Variants in CLVS1 observed in about 807,000 individuals in gnomAD.
CLVS1 encodes the protein clavesin-1.
CLVS1 carries 10 observed loss-of-function variants against 33.1 expected under a neutral mutation model. The ratio of observed to expected loss-of-function variants is 0.30; its 90% CI spans 0.19 to 0.51. The LOEUF is 0.51. Ranked by LOEUF, CLVS1 falls within the 20% of genes least tolerant of loss-of-function variation. The probability of loss-of-function intolerance (pLI) is 0.97; values close to 1 mark genes in which losing one functional copy is unlikely to be tolerated. For missense variants in CLVS1, 343 were observed against 433.4 expected (o/e 0.79, Z 1.85); for synonymous variants, 163 against 166.1 (o/e 0.98, Z 0.14).
At chr8:61,196,438 CTCA>C (rs1228440996) in intron 2 of CLVS1, among the ~76,000 whole-genome samples, 1 of 151,964 alleles carries the variant, frequency 6.6e-6, no homozygotes, top group Non-Finnish European at 1.5e-5. Context: ...TTAGTCAGGA[CTCA>C]TTTTGTTGCA....
chr8:61,343,223 G>GAA lies in CLVS1; in HGVS notation c.456-33382_456-33381insAA, dbSNP rs545611420. Reference sequence around the variant, plus strand: ...CCATTCTGATTTTCTGGTTATCTTTGGATTTATAGCAAAATGTTTGTTTTT... The same window carrying GAA: ...CCATTCTGATTTTCTGGTTATCTTTGAAGATTTATAGCAAAATGTTTGTTTTT... On this transcript the variant is annotated intron_variant, in intron 2 of 5. Coordinates refer to ENST00000325897, the MANE Select transcript of CLVS1 (RefSeq NM_173519.3). Among the ~76,000 whole-genome samples the GAA allele has an allele frequency of 7.3e-3, 1,104 of 152,182 alleles. 7 individuals carry two copies. Among genetic ancestry groups the GAA allele is most frequent in the Non-Finnish European group, 0.013 (873 of 68,000 alleles).
At chr8:61,347,658 AT>A (rs1812273081) in intron 2 of CLVS1, among the ~76,000 whole-genome samples, 1 of 117,136 alleles carries the variant, frequency 8.5e-6, no homozygotes, top group East Asian at 2.6e-4. Context: ...ATATATATAT[AT>A]ATATATATAT....
At chr8:61,033,023 AAG>A in the CLVS1 span, among the ~76,000 whole-genome samples, 4 of 118,972 alleles carry the variant, frequency 3.4e-5, no homozygotes, top group African/African-American at 9.9e-5. Flanking sequence ...GAAAGAAAGA[AAG>A]AAAGAAAGAA....
At position 61,353,688 on chromosome 8, in the gene CLVS1, G is replaced by A. The variant is rs1460565411; in HGVS notation, c.456-22917G>A. The stretch of plus-strand genomic sequence containing the variant: ...TGTTCTACTTCAAGAAACTAAGGAA[G>A]AATGAAACAAAATAAACCCAAAGCA... On this transcript the variant is annotated intron_variant, in intron 2 of 5. Coordinates refer to ENST00000325897, the MANE Select transcript of CLVS1 (RefSeq NM_173519.3). Among the ~76,000 whole-genome samples, 5 of 143,654 alleles carry A rather than the reference G, an allele frequency of 3.5e-5. No individual in the cohort carries two copies. In the South Asian group the frequency reaches 6.6e-4, roughly 19 times the overall value. The allele number at this position is 143,654 out of a possible 152,430, so 94.2% of individuals were successfully genotyped here.
chr8:61,471,363 G>C (rs1159484104), intron 5 of CLVS1, among the ~76,000 whole-genome samples: 1 of 152,088 alleles, frequency 6.6e-6, no homozygotes, highest in East Asian at 1.9e-4. Flanking sequence ...TTGCCATTTT[G>C]TCACGGTTTT....
At chr8:61,065,322 T>C (rs74923583) in intron 1 of CLVS1, among the ~76,000 whole-genome samples, 1,923 of 152,362 alleles carry the variant, frequency 0.013, 40 homozygotes, top group African/African-American at 0.044. Context: ...GTATGTTCAG[T>C]ACAGATACAA....
the CLVS1 span, among the ~76,000 whole-genome samples, chr8:61,014,244 G>C: frequency 2.0e-5 from 3 of 152,128 alleles, no homozygotes; most frequent in Non-Finnish European, 4.4e-5. Flanking sequence ...CCCTTGTGGA[G>C]CTGGTGTGCC....
chr8:61,156,557 C>G (rs772073115), intron 2 of CLVS1, among the ~76,000 whole-genome samples: 2 of 152,114 alleles, frequency 1.3e-5, no homozygotes, highest in Non-Finnish European at 2.9e-5. Context: ...GGATGTGTAT[C>G]TGTGTGTTTT....
At chr8:61,445,375 G>C (rs906275496) in intron 3 of CLVS1, among the ~76,000 whole-genome samples, 1 of 152,146 alleles carries the variant, frequency 6.6e-6, no homozygotes, top group Non-Finnish European at 1.5e-5. Context: ...TTCATGAACT[G>C]CTTGGTCCTC....
the CLVS1 span, among the ~76,000 whole-genome samples, chr8:61,025,706 C>G: frequency 6.6e-6 from 1 of 152,166 alleles, no homozygotes; most frequent in Non-Finnish European, 1.5e-5. Context: ...TAGTGTGGAT[C>G]AACCTGCATT....
In CLVS1 at chr8:61,062,899, T is replaced by C. The variant is rs1804605817; in HGVS notation, c.-243+5669T>C. 2.0e-5 allele frequency among the ~76,000 whole-genome samples: 3 copies of C among 152,392 alleles called. No homozygotes were observed. The South Asian group carries it at 6.2e-4, about 32-fold the overall frequency. On this transcript the variant is annotated intron_variant, in intron 1 of 2. Transcript: ENST00000522621. ...TAGTTACTATGAAATTACCCAATACTATGTTATTATGTGATTGCTATGCAT... is the reference window on the plus strand; with the variant it reads ...TAGTTACTATGAAATTACCCAATACCATGTTATTATGTGATTGCTATGCAT...
At chr8:61,351,346 A>G (rs914536503) in intron 2 of CLVS1, among the ~76,000 whole-genome samples, 2 of 152,112 alleles carry the variant, frequency 1.3e-5, no homozygotes, top group Non-Finnish European at 2.9e-5. Flanking sequence ...GACAAAAATG[A>G]TAAAGCCACT....
chr8:61,099,450 T>C (rs1044583712), intron 1 of CLVS1, among the ~76,000 whole-genome samples: 1 of 152,140 alleles, frequency 6.6e-6, no homozygotes, highest in African/African-American at 2.4e-5. Flanking sequence ...TATATGACAG[T>C]CATTGGCTGG....
At chr8:61,195,397 AC>A (rs1807582220) in intron 2 of CLVS1, among the ~76,000 whole-genome samples, 1 of 152,012 alleles carries the variant, frequency 6.6e-6, no homozygotes, top group Non-Finnish European at 1.5e-5. Context: ...AGTTATTCTT[AC>A]TAATAAAGTA....
At chr8:61,244,851 A>T (rs997203844) in intron 2 of CLVS1, among the ~76,000 whole-genome samples, 52 of 151,954 alleles carry the variant, frequency 3.4e-4, no homozygotes, top group African/African-American at 4.8e-4. Context: ...TTCATTAAAA[A>T]TTTTTTTTAC....
chr8:61,044,849 T>A, the CLVS1 span, among the ~76,000 whole-genome samples: 1 of 152,222 alleles, frequency 6.6e-6, no homozygotes, highest in Middle Eastern at 3.4e-3. Flanking sequence ...TTAAGGGGCA[T>A]AGAAAAAGAG....
the CLVS1 span, among the ~76,000 whole-genome samples, chr8:60,968,905 T>A: frequency 1.3e-5 from 2 of 150,544 alleles, no homozygotes; most frequent in Non-Finnish European, 3.0e-5. Context: ...AATAAATAAA[T>A]AAAATAAAAA....
At chr8:61,324,911 A>T (rs1811323834) in intron 2 of CLVS1, among the ~76,000 whole-genome samples, 1 of 152,152 alleles carries the variant, frequency 6.6e-6, no homozygotes, top group South Asian at 2.1e-4. Flanking sequence ...CCATCTGCCC[A>T]TACACCCAAC....
At chr8:61,013,564 G>C in the CLVS1 span, among the ~76,000 whole-genome samples, 4 of 152,180 alleles carry the variant, frequency 2.6e-5, no homozygotes, top group East Asian at 5.8e-4. Context: ...ATTTTTGAGT[G>C]GGGTGAAGCC....
Sources: gnomAD v4.1 joint callset for allele counts (sites outside exome capture counted in the v4.1 genomes callset) on GRCh38, gnomAD v4.1.1 for gene constraint, MANE v1.5 for transcripts, NCBI Gene and HGNC (gene_info 2026-07-23, HGNC 2026-07-21) for gene names.